CPNE8: variants seen among roughly 807,000 people sequenced by gnomAD.
CPNE8 encodes copine-8.
Under a neutral mutation model 81.5 loss-of-function variants are expected in CPNE8, and 45 were observed. The observed-to-expected ratio is 0.55, with a 90% CI of 0.44 to 0.71. The LOEUF (loss-of-function observed/expected upper bound fraction) is 0.71, where lower values mean the gene tolerates loss of function less well. CPNE8 is among the 30% of genes least tolerant of loss of function. CPNE8 has a pLI of 0.00. For synonymous variants in CPNE8, 252 were observed against 226.3 expected (o/e 1.11, Z -1.02); for missense variants, 594 against 672.1 (o/e 0.88, Z 1.28).
At chr12:38,782,872 G>T (rs59328292) in intron 6 of CPNE8, among the ~76,000 whole-genome samples, 2 of 151,836 alleles carry the variant, frequency 1.3e-5, no homozygotes, top group South Asian at 2.1e-4. Context: ...TTTAGACAGG[G>T]TCTCACTATG....
At chr12:38,689,810 T>C (rs1385873429) in intron 15 of CPNE8, among the ~76,000 whole-genome samples, 1 of 152,218 alleles carries the variant, frequency 6.6e-6, no homozygotes, top group Non-Finnish European at 1.5e-5. Context: ...GAAATACCTC[T>C]ACCAGAGCTC....
chr12:38,894,658 ACTCTCTCTCTCTCTCTCT>A (rs60538878), intron 1 of CPNE8, among the ~76,000 whole-genome samples: 46,533 of 124,718 alleles, frequency 0.37, 8,340 homozygotes, highest in Non-Finnish European at 0.47. Flanking sequence ...ACTCCAGCTC[ACTCTCTCTCTCTCTCTCT>A]CTCTCTCTCT....
chr12:38,789,537 C>T (rs1942275759), intron 6 of CPNE8, among the ~76,000 whole-genome samples: 1 of 151,664 alleles, frequency 6.6e-6, no homozygotes, highest in African/African-American at 2.4e-5. Context: ...GGACATTGGT[C>T]TGAGCAAAAA....
intron 6 of CPNE8, among the ~76,000 whole-genome samples, chr12:38,806,988 A>T (rs10783402): frequency 0.81 from 120,879 of 149,820 alleles, 50,983 homozygotes; most frequent in Non-Finnish European, 0.92. Flanking sequence ...TCATGAGTGA[A>T]CTCCCATTCA....
intron 1 of CPNE8, among the ~76,000 whole-genome samples, chr12:38,882,717 G>GT (rs1455135927): frequency 1.3e-5 from 2 of 152,112 alleles, no homozygotes; most frequent in East Asian, 1.9e-4. Flanking sequence ...TCCAAACTCC[G>GT]TAACACTGCA....
At chr12:38,759,224 G>GCA (rs1355102018) in intron 10 of CPNE8, among the ~76,000 whole-genome samples, 1 of 152,180 alleles carries the variant, frequency 6.6e-6, no homozygotes, top group African/African-American at 2.4e-5. Context: ...GCAGTGAGCT[G>GCA]CACTTTTTGT....
chr12:38,825,804 C>A (rs1002125267), intron 6 of CPNE8, among the ~76,000 whole-genome samples: 2 of 152,174 alleles, frequency 1.3e-5, no homozygotes, highest in African/African-American at 4.8e-5. Flanking sequence ...TGTTCACCTG[C>A]GTTGGAACAT....
At chr12:38,662,306 A>G (rs897691019) in intron 19 of CPNE8, among the ~76,000 whole-genome samples, 2 of 152,206 alleles carry the variant, frequency 1.3e-5, no homozygotes, top group Admixed American at 1.3e-4. Context: ...AATTCAGAAA[A>G]GTCATAAGAT....
chr12:38,699,287 A>G (rs1240734226), intron 14 of CPNE8, among the ~76,000 whole-genome samples: 1 of 152,322 alleles, frequency 6.6e-6, no homozygotes, highest in African/African-American at 2.4e-5. Flanking sequence ...TCAGTATACT[A>G]TAAAAAGATT....
chr12:38,772,963 G>A, intron 7 of CPNE8, among the ~76,000 whole-genome samples: 1 of 151,594 alleles, frequency 6.6e-6, no homozygotes, highest in Non-Finnish European at 1.5e-5. Flanking sequence ...GTAAAACAAT[G>A]GAATATTATT....
chr12:38,783,639 G>A (rs11169519), intron 6 of CPNE8, among the ~76,000 whole-genome samples: 49,972 of 152,100 alleles, frequency 0.33, 9,840 homozygotes, highest in Non-Finnish European at 0.43. Flanking sequence ...TTGTGTCACC[G>A]CATCCCAAGC....
At chr12:38,671,382 A>G (rs1254533210) in intron 18 of CPNE8, among the ~76,000 whole-genome samples, 1 of 152,020 alleles carries the variant, frequency 6.6e-6, no homozygotes, top group African/African-American at 2.4e-5. Flanking sequence ...ATAAAGTATG[A>G]TTTTTCTGAA....
intron 3 of CPNE8, among the ~76,000 whole-genome samples, chr12:38,858,999 T>C (rs1469030105): frequency 6.6e-6 from 1 of 152,180 alleles, no homozygotes; most frequent in East Asian, 1.9e-4. Flanking sequence ...ATCATACTCG[T>C]TGGTGAAAAA....
chr12:38,717,637 C>A (rs1195754716), intron 13 of CPNE8, among the ~76,000 whole-genome samples: 1 of 151,254 alleles, frequency 6.6e-6, no homozygotes, highest in Non-Finnish European at 1.5e-5. Flanking sequence ...AAGAATGATA[C>A]AACGGACTTT....
chr12:38,714,839 C>A (rs1173977038), intron 13 of CPNE8, among the ~76,000 whole-genome samples: 1 of 151,922 alleles, frequency 6.6e-6, no homozygotes, highest in Admixed American at 6.6e-5. Flanking sequence ...CACAAACAAT[C>A]AAGCTGGTAT....
intron 11 of CPNE8, among the ~76,000 whole-genome samples, chr12:38,729,964 CTTT>C (rs1448192660): frequency 7.1e-6 from 1 of 140,884 alleles, no homozygotes; most frequent in Admixed American, 7.1e-5. Flanking sequence ...TAATCTTCTT[CTTT>C]ATTAGGAAGA....
chr12:38,803,536 C>A (rs1319850367), intron 6 of CPNE8, among the ~76,000 whole-genome samples: 1 of 140,254 alleles, frequency 7.1e-6, no homozygotes, highest in African/African-American at 2.6e-5. Flanking sequence ...CTATGACAAA[C>A]CCACAGCCAA....
intron 13 of CPNE8, among the ~76,000 whole-genome samples, chr12:38,712,522 T>C (rs1193167227): frequency 6.6e-6 from 1 of 152,134 alleles, no homozygotes; most frequent in Admixed American, 6.5e-5. Context: ...CTGCCACCAA[T>C]TTTATAAAAC....
chr12:38,745,020 G>A (rs1020897531), intron 10 of CPNE8, among the ~76,000 whole-genome samples: 2 of 152,094 alleles, frequency 1.3e-5, no homozygotes, highest in South Asian at 4.1e-4. Flanking sequence ...ATGCCAAAAT[G>A]TGCCTGATTC....
Sources: gnomAD v4.1 joint callset for allele counts (sites outside exome capture counted in the v4.1 genomes callset) on GRCh38, gnomAD v4.1.1 for gene constraint, MANE v1.5 for transcripts, NCBI Gene and HGNC (gene_info 2026-07-23, HGNC 2026-07-21) for gene names.